Variants in PLCG2 observed in about 807,000 individuals in gnomAD.
PLCG2 encodes 1-phosphatidylinositol 4,5-bisphosphate phosphodiesterase gamma-2.
In PLCG2, 69 loss-of-function variants were observed where a neutral mutation model predicts 175.6. That is an observed-to-expected ratio of 0.39 (90% CI 0.32 to 0.48). The LOEUF is 0.48. Among genes scored for constraint, PLCG2 ranks in the 20% least tolerant of loss-of-function variants. The pLI, the probability that PLCG2 is intolerant of heterozygous loss-of-function variation, is 0.91. For synonymous variants in PLCG2, 827 were observed against 624.0 expected (o/e 1.33, Z -4.85); for missense variants, 1,798 against 1,650.9 (o/e 1.09, Z -1.54).
At chr16:81,807,890 A>T (rs142103409) in intron 2 of PLCG2, among the ~76,000 whole-genome samples, 26 of 152,134 alleles carry the variant, frequency 1.7e-4, no homozygotes, top group Non-Finnish European at 1.0e-4. Context: ...CAGATCTCTC[A>T]AGAACTCACT....
rs1305847899 is a variant in PLCG2, at chr16:81,910,685, C to G, written c.1899C>G (p.Asp633Glu). Residue 633 changes from aspartate (D) to glutamate (E), a missense_variant, in exon 18 of 33, where the codon GAC (aspartate) becomes GAG (glutamate). By Grantham distance (45) the Asp-to-Glu change is conservative. Coordinates refer to ENST00000564138, the MANE Select transcript of PLCG2 (RefSeq NM_002661.5). ...CCGAGTTCGAGCTGCGGCTCACGGA[C>G]CCTGTGCCCAACCCCAACCCCCACG... ...RCAEFELRLT[D>E]PVPNPNPHES... 1 of 1,612,284 alleles carries G rather than the reference C, an allele frequency of 6.2e-7. No individual in the cohort carries two copies. Among genetic ancestry groups the G allele is most frequent in the Middle Eastern group, 1.6e-4 (1 of 6,062 alleles).
Position 81,922,613 on chromosome 16 carries a change from A to G in PLCG2, c.2308-872A>G, listed in dbSNP as rs116243104. Among the ~76,000 whole-genome samples the G allele has an allele frequency of 7.8e-3, 1,190 of 152,326 alleles. 8 individuals are homozygous for G. Among genetic ancestry groups the G allele is most frequent in the African/African-American group, 0.027 (1,131 of 41,580 alleles). ...AGACTCAAACTTATATCATTATTCA[A>G]GGGCAGAGCAATGATTTGAACCTAC... On this transcript the variant is annotated intron_variant, in intron 21 of 32. Coordinates refer to ENST00000564138, the MANE Select transcript of PLCG2 (RefSeq NM_002661.5).
At chr16:81,954,107 T>G (rs2143774003) in intron 31 of PLCG2, among the ~76,000 whole-genome samples, 1 of 152,164 alleles carries the variant, frequency 6.6e-6, no homozygotes, top group South Asian at 2.1e-4. Context: ...ACTGCAGCCT[T>G]AACCTCCTGG....
chr16:81,855,668 T>A (rs1432235380), intron 3 of PLCG2, among the ~76,000 whole-genome samples: 1 of 152,140 alleles, frequency 6.6e-6, no homozygotes, highest in East Asian at 1.9e-4. Context: ...TAAGACCTAG[T>A]GCAAGCATGA....
At chr16:81,802,455 G>C (rs1291654749) in intron 2 of PLCG2, among the ~76,000 whole-genome samples, 7 of 151,928 alleles carry the variant, frequency 4.6e-5, no homozygotes, top group Admixed American at 4.6e-4. Context: ...TCCAGCTTTT[G>C]CTACCAAGTG....
intron 25 of PLCG2, among the ~76,000 whole-genome samples, chr16:81,932,654 T>G (rs1328781675): frequency 6.6e-6 from 1 of 152,212 alleles, no homozygotes; most frequent in Non-Finnish European, 1.5e-5. Context: ...CAGTCCCTGG[T>G]CACGAGAGGA....
At chr16:81,761,363 T>G (rs1910038025) in intron 2 of PLCG2, among the ~76,000 whole-genome samples, 1 of 152,180 alleles carries the variant, frequency 6.6e-6, no homozygotes, top group African/African-American at 2.4e-5. Flanking sequence ...AGACCTTGTC[T>G]TTAAAGTAAT....
At chr16:81,766,461 C>T (rs1468005044) in intron 2 of PLCG2, among the ~76,000 whole-genome samples, 1 of 147,364 alleles carries the variant, frequency 6.8e-6, no homozygotes, top group Non-Finnish European at 1.5e-5. Flanking sequence ...CTCACTTAGC[C>T]AGCGCCTCCT....
At chr16:81,866,453 C>G (rs1907239910) in intron 5 of PLCG2, among the ~76,000 whole-genome samples, 1 of 77,670 alleles carries the variant, frequency 1.3e-5, no homozygotes, top group Admixed American at 1.3e-4. Context: ...TGAGAGGACG[C>G]TAGCCTCTCC....
At chr16:81,843,467 G>A (rs1392319492) in intron 2 of PLCG2, among the ~76,000 whole-genome samples, 2 of 152,140 alleles carry the variant, frequency 1.3e-5, no homozygotes, top group East Asian at 3.9e-4. Context: ...GACAAGCGCT[G>A]ATGCATTACC....
At chr16:81,798,231 T>C (rs1316648758) in intron 2 of PLCG2, among the ~76,000 whole-genome samples, 2 of 152,162 alleles carry the variant, frequency 1.3e-5, no homozygotes, top group East Asian at 3.8e-4. Flanking sequence ...ACAAGTCCAG[T>C]ATGTACTTAA....
At chr16:81,931,421 C>T (rs1242276462) in intron 24 of PLCG2, 76 bp from the exon 25 acceptor site, 1 of 1,452,388 alleles carries the variant, frequency 6.9e-7, no homozygotes, top group Non-Finnish European at 9.5e-7. Context: ...AGAGAAACAG[C>T]TCAGGCAGGG....
chr16:81,775,970 C>G (rs1567456641), upstream of PLCG2, among the ~76,000 whole-genome samples: 1 of 151,848 alleles, frequency 6.6e-6, no homozygotes, highest in African/African-American at 2.4e-5. Flanking sequence ...AGGTTCAAAT[C>G]CAGCCCCCAC....
chr16:81,827,252 C>G (rs1396614540), intron 2 of PLCG2, among the ~76,000 whole-genome samples: 2 of 151,024 alleles, frequency 1.3e-5, no homozygotes, highest in African/African-American at 2.4e-5. Flanking sequence ...AGTGGTGCCA[C>G]TATCGCTCAC....
intron 2 of PLCG2, among the ~76,000 whole-genome samples, chr16:81,838,785 A>G (rs1905662794): frequency 2.5e-5 from 1 of 40,584 alleles, no homozygotes; most frequent in Admixed American, 2.0e-4. Context: ...TTAAATATAT[A>G]TATATATATA....
chr16:81,915,007 C>T (rs1048580432), intron 19 of PLCG2, among the ~76,000 whole-genome samples: 4 of 152,208 alleles, frequency 2.6e-5, no homozygotes, highest in African/African-American at 9.7e-5. Flanking sequence ...AAATAACATC[C>T]CTGCCCCAGG....
At chr16:81,907,406 A>G (rs1040749529) in intron 15 of PLCG2, among the ~76,000 whole-genome samples, 1 of 152,240 alleles carries the variant, frequency 6.6e-6, no homozygotes, top group Non-Finnish European at 1.5e-5. Flanking sequence ...TAGATGGAAT[A>G]GAAAAGAAAA....
chr16:81,770,091 C>G (rs940881828), intron 2 of PLCG2, among the ~76,000 whole-genome samples: 1 of 152,136 alleles, frequency 6.6e-6, no homozygotes, highest in African/African-American at 2.4e-5. Context: ...TTTCTCTCCA[C>G]CCCCTTCGCT....
Position 81,962,463 on chromosome 16 carries a change from T to C in PLCG2, c.*4465T>C, listed in dbSNP as rs573403027. 5.6e-5 allele frequency: 12 copies of C among 215,332 alleles called. No homozygotes were observed. The highest frequency in any genetic ancestry group is 2.7e-4 in the African/African-American group (12 of 44,562). The allele number at this position is 215,332 out of a possible 1,614,324, so 13.3% of individuals were successfully genotyped here. ...AGAGCCAGATTCCAGTGATCCTGCC[T>C]CTCAGAAATTTCCACATTTCTTATT... On this transcript the variant is annotated 3_prime_UTR_variant, in exon 33 of 33. Coordinates refer to ENST00000564138, the MANE Select transcript of PLCG2 (RefSeq NM_002661.5).
Sources: gnomAD v4.1 joint callset for allele counts (sites outside exome capture counted in the v4.1 genomes callset) on GRCh38, gnomAD v4.1.1 for gene constraint, MANE v1.5 for transcripts, NCBI Gene and HGNC (gene_info 2026-07-23, HGNC 2026-07-21) for gene names.